MROH7: variants seen among roughly 807,000 people sequenced by gnomAD.
MROH7 encodes maestro heat like repeat family member 7, also known as maestro heat-like repeat-containing protein family member 7.
MROH7 carries 113 observed loss-of-function variants against 129.2 expected under a neutral mutation model. That is an observed-to-expected ratio of 0.87 (90% CI 0.75 to 1.02). The LOEUF (loss-of-function observed/expected upper bound fraction) is 1.02, where lower values mean the gene tolerates loss of function less well. MROH7 is among the 50% of genes least tolerant of loss of function. The probability of loss-of-function intolerance (pLI) is 0.00; values close to 1 mark genes in which losing one functional copy is unlikely to be tolerated. For synonymous variants in MROH7, 655 were observed against 667.9 expected, an observed-to-expected ratio of 0.98 and a Z score of 0.30; for missense variants, 1,601 against 1,671.3, an observed-to-expected ratio of 0.96 and a Z score of 0.73.
intron 1 of MROH7, 42 bp from the exon 2 acceptor site, chr1:54,651,907 G>A (rs1054092248): frequency 5.3e-5 from 8 of 150,488 alleles, no homozygotes; most frequent in African/African-American, 2.0e-4. Context: ...GTTGAAAAAG[G>A]CACTCTTCCC....
chr1:54,675,182 G>T (rs1221170949), intron 10 of MROH7, among the ~76,000 whole-genome samples: 1 of 152,040 alleles, frequency 6.6e-6, no homozygotes, highest in Non-Finnish European at 1.5e-5. Context: ...CACCATGTTG[G>T]CCAGGCTGGT....
chr1:54,692,338 A>C (rs1329674657), intron 15 of MROH7, 86 bp from the exon 16 acceptor site: 6 of 1,547,672 alleles, frequency 3.9e-6, no homozygotes, highest in Non-Finnish European at 5.3e-6. Context: ...TTGTCGGGCC[A>C]GATGGCAGGA....
At position 54,708,417 on chromosome 1, in the gene MROH7, A is replaced by AAAAC. The variant is rs55969302; in HGVS notation, c.3668-574_3668-571dup. ...ACTCCAGTCTGGGCAACACTGTCTA[A>AAAAC]AAACAAACAAACAAACAAACAAACA... On this transcript the variant is annotated intron_variant, in intron 22 of 23. Coordinates refer to ENST00000421030, the MANE Select transcript of MROH7 (RefSeq NM_001039464.4). Among the ~76,000 whole-genome samples the AAAAC allele has an allele frequency of 9.7e-3, 1,468 of 150,660 alleles. 22 individuals carry two copies. The highest frequency in any genetic ancestry group is 0.024 in the East Asian group (119 of 5,044).
intron 15 of MROH7, among the ~76,000 whole-genome samples, chr1:54,691,679 G>T (rs1444307029): frequency 6.6e-6 from 1 of 151,800 alleles, no homozygotes; most frequent in Non-Finnish European, 1.5e-5. Flanking sequence ...GGTGGCGCAT[G>T]CCTGTAATCC....
At chr1:54,702,961 C>T (rs978058171) in intron 21 of MROH7, among the ~76,000 whole-genome samples, 55 of 152,130 alleles carry the variant, frequency 3.6e-4, no homozygotes, top group African/African-American at 1.1e-3. Context: ...ACGATGATCA[C>T]GGGCACTTCA....
intron 10 of MROH7, among the ~76,000 whole-genome samples, chr1:54,674,956 G>A (rs1644958568): frequency 6.6e-6 from 1 of 152,050 alleles, no homozygotes; most frequent in Non-Finnish European, 1.5e-5. Context: ...TGTGAAAATG[G>A]TATACTCAGA....
At position 54,688,232 on chromosome 1, in the gene MROH7, AT is replaced by A. The variant is rs903515362; in HGVS notation, c.2711+1802del. On this transcript the variant is annotated intron_variant, in intron 15 of 23. Coordinates refer to ENST00000421030, the MANE Select transcript of MROH7 (RefSeq NM_001039464.4). Reference sequence around the variant, plus strand: ...GAGACTCCGTCTCAAAAAAAAAAAAATTTTTTTTTTTTTTTTTTGTTAGAGA... The same window carrying A: ...GAGACTCCGTCTCAAAAAAAAAAAAATTTTTTTTTTTTTTTTTGTTAGAGA... Among the ~76,000 whole-genome samples, 1,117 of 132,270 alleles carry A rather than the reference AT, an allele frequency of 8.4e-3. 9 individuals carry two copies. Among genetic ancestry groups the A allele is most frequent in the African/African-American group, 0.025 (861 of 34,954 alleles). 86.8% of individuals were successfully genotyped at this position (132,270 alleles called of 152,430 possible).
rs1049807141 is a variant in MROH7 at position 54,673,914 on chromosome 1, G to A, written c.1801-102G>A. 4.4e-5 allele frequency: 68 copies of A among 1,529,612 alleles called. 1 individual carries two copies. In the South Asian group the frequency reaches 5.8e-4, roughly 13 times the overall value. 94.8% of individuals were successfully genotyped at this position (1,529,612 alleles called of 1,614,324 possible). On this transcript the variant is annotated intron_variant, in intron 9 of 23. Transcript: ENST00000421030. ...CCAGGTGGCTCTTGCCATCTTCAGA[G>A]GGCTGTGCTATCTGGGCCAGACTAT...
chr1:54,642,930 C>T (rs563948307), intron 1 of MROH7, among the ~76,000 whole-genome samples: 7 of 152,194 alleles, frequency 4.6e-5, no homozygotes, highest in African/African-American at 1.7e-4. Context: ...TAACTAGATT[C>T]CTGCACAGTC....
At chr1:54,685,765 G>A (rs1250461757) in intron 14 of MROH7, among the ~76,000 whole-genome samples, 1 of 152,106 alleles carries the variant, frequency 6.6e-6, no homozygotes, top group Non-Finnish European at 1.5e-5. Flanking sequence ...AATGGCCCAG[G>A]GTGAAGAGGC....
At chr1:54,700,298 G>A (rs759447284) in intron 17 of MROH7, 23 bp from the exon 18 acceptor site, 3 of 1,613,982 alleles carry the variant, frequency 1.9e-6, no homozygotes, top group East Asian at 4.5e-5. Flanking sequence ...AGCCTGGGAA[G>A]TAATGACCCT....
At chr1:54,646,105 CA>C (rs1204758403) in intron 1 of MROH7, among the ~76,000 whole-genome samples, 1 of 152,206 alleles carries the variant, frequency 6.6e-6, no homozygotes, top group Non-Finnish European at 1.5e-5. Context: ...GTGCTGCCTA[CA>C]GGGGTAGAAG....
intron 14 of MROH7, among the ~76,000 whole-genome samples, chr1:54,684,471 A>T (rs1645116377): frequency 6.6e-6 from 1 of 152,226 alleles, no homozygotes; most frequent in Non-Finnish European, 1.5e-5. Context: ...ATGTTAGTGT[A>T]TTCTTTAGTC....
chr1:54,667,122 AT>A (rs1290248112), intron 4 of MROH7, among the ~76,000 whole-genome samples: 2 of 152,220 alleles, frequency 1.3e-5, no homozygotes, highest in Non-Finnish European at 2.9e-5. Flanking sequence ...GTGACCTGAC[AT>A]TCTAGTTTGG....
intron 3 of MROH7, among the ~76,000 whole-genome samples, chr1:54,663,435 C>A (rs7529569): frequency 0.059 from 8,905 of 152,094 alleles, 585 homozygotes; most frequent in East Asian, 0.14. Flanking sequence ...TGCAGTGGTG[C>A]GATCTTGGCT....
intron 3 of MROH7, among the ~76,000 whole-genome samples, chr1:54,664,657 A>G (rs894356347): frequency 2.0e-5 from 3 of 152,244 alleles, no homozygotes; most frequent in Non-Finnish European, 4.4e-5. Flanking sequence ...TTTGTGCTCA[A>G]TGAAATGCAG....
intron 3 of MROH7, among the ~76,000 whole-genome samples, chr1:54,660,641 C>T (rs1049854349): frequency 2.0e-5 from 3 of 151,980 alleles, no homozygotes; most frequent in African/African-American, 7.3e-5. Flanking sequence ...TGGAGAAACC[C>T]CAACTCTACT....
chr1:54,651,173 A>G (rs930497418), intron 1 of MROH7: 3 of 152,430 alleles, frequency 2.0e-5, no homozygotes, highest in Non-Finnish European at 4.4e-5. Context: ...GAAGAGAGAA[A>G]AATAATGAAA....
chr1:54,653,372 C>G lies in MROH7; in HGVS notation c.446C>G (p.Ser149Cys), dbSNP rs1162170909. Residue 149 changes from serine to cysteine, a missense_variant, in exon 3 of 24, where the codon TCT (serine) becomes TGT (cysteine). Coordinates refer to ENST00000421030, the MANE Select transcript of MROH7 (RefSeq NM_001039464.4). The part of the protein sequence containing the change: ...LSSGNHPQSN[S>C]EDAFKCLSSK... ...TCTGGGAACCACCCTCAGTCAAATT[C>G]TGAAGATGCCTTCAAGTGCCTCTCA... 6.2e-7 allele frequency: 1 copy of G among 1,614,226 alleles called. No individual in the cohort carries two copies. The highest frequency in any genetic ancestry group is 8.5e-7 in the Non-Finnish European group (1 of 1,180,040).
Sources: allele counts gnomAD v4.1 joint callset (sites outside exome capture counted in the v4.1 genomes callset), GRCh38; gene constraint gnomAD v4.1.1; transcripts MANE v1.5; gene names NCBI Gene and HGNC (gene_info 2026-07-23, HGNC 2026-07-21).